B3GALT1: variants seen among roughly 807,000 people sequenced by gnomAD.
B3GALT1 encodes beta-1,3-galactosyltransferase 1.
A neutral mutation model predicts 23.2 loss-of-function variants in B3GALT1; 10 were observed. The observed-to-expected ratio is 0.43, with a 90% confidence interval of 0.27 to 0.73. The LOEUF (loss-of-function observed/expected upper bound fraction) is 0.73. Ranked by LOEUF, B3GALT1 falls within the 30% of genes least tolerant of loss-of-function variation. The pLI is 0.21. For synonymous variants in B3GALT1, 156 were observed against 141.5 expected, an observed-to-expected ratio of 1.10 and a Z score of -0.73; for missense variants, 299 against 405.4, an observed-to-expected ratio of 0.74 and a Z score of 2.25.
chr2:167,332,012 G>A (rs2105240580), intron 1 of B3GALT1, among the ~76,000 whole-genome samples: 1 of 152,162 alleles, frequency 6.6e-6, no homozygotes, highest in East Asian at 1.9e-4. Flanking sequence ...TGAGGTGGGG[G>A]CTATGTTCGC....
chr2:167,451,747 T>C (rs931643794), intron 1 of B3GALT1, among the ~76,000 whole-genome samples: 2 of 152,146 alleles, frequency 1.3e-5, no homozygotes, highest in African/African-American at 2.4e-5. Flanking sequence ...GGCAGTGCCC[T>C]AGAGCTCCCA....
chr2:167,612,975 A>C (rs915394565), intron 2 of B3GALT1, among the ~76,000 whole-genome samples: 2 of 152,002 alleles, frequency 1.3e-5, no homozygotes, highest in Non-Finnish European at 2.9e-5. Context: ...TGTGTCAAAA[A>C]TAAATGTAGT....
intron 1 of B3GALT1, among the ~76,000 whole-genome samples, chr2:167,464,003 A>G (rs1389968244): frequency 1.3e-5 from 2 of 152,174 alleles, no homozygotes; most frequent in East Asian, 3.9e-4. Context: ...ATCCTTTCAG[A>G]GCTCTGCCTT....
intron 3 of B3GALT1, among the ~76,000 whole-genome samples, chr2:167,741,468 C>A (rs563227834): frequency 6.6e-6 from 1 of 152,190 alleles, no homozygotes; most frequent in South Asian, 2.1e-4. Context: ...TGGATATAGC[C>A]AGAGTGGTCC....
At chr2:167,452,143 C>T (rs1314213779) in intron 1 of B3GALT1, among the ~76,000 whole-genome samples, 1 of 152,068 alleles carries the variant, frequency 6.6e-6, no homozygotes, top group African/African-American at 2.4e-5. Flanking sequence ...AGTTTTCACA[C>T]CTTCCCTCCT....
At chr2:167,365,359 A>G (rs1697569463) in intron 1 of B3GALT1, among the ~76,000 whole-genome samples, 1 of 151,934 alleles carries the variant, frequency 6.6e-6, no homozygotes, top group Non-Finnish European at 1.5e-5. Context: ...CAGGCATAAC[A>G]CTTCAGGTTA....
chr2:167,393,302 C>T (rs191990417), intron 1 of B3GALT1, among the ~76,000 whole-genome samples: 2 of 147,742 alleles, frequency 1.4e-5, no homozygotes, highest in Non-Finnish European at 1.5e-5. Flanking sequence ...TATATAGTCA[C>T]GCCTGTGATC....
At chr2:167,620,187 A>G (rs1685230828) in intron 2 of B3GALT1, among the ~76,000 whole-genome samples, 1 of 152,112 alleles carries the variant, frequency 6.6e-6, no homozygotes, top group Non-Finnish European at 1.5e-5. Flanking sequence ...TGCAGTGTGT[A>G]GGTAAAAATG....
chr2:167,621,528 T>C (rs899749813), intron 2 of B3GALT1, among the ~76,000 whole-genome samples: 60 of 152,200 alleles, frequency 3.9e-4, no homozygotes, highest in African/African-American at 1.3e-3. Context: ...GAGCTTTCCA[T>C]TATAAAGATT....
chr2:167,568,640 A>G (rs886536246), intron 2 of B3GALT1, among the ~76,000 whole-genome samples: 2 of 151,978 alleles, frequency 1.3e-5, no homozygotes, highest in Non-Finnish European at 2.9e-5. Context: ...ATTTTATCAG[A>G]TGCATCTTCT....
chr2:167,798,512 G>T (rs1688580631), intron 3 of B3GALT1, among the ~76,000 whole-genome samples: 1 of 152,204 alleles, frequency 6.6e-6, no homozygotes, highest in Admixed American at 6.5e-5. Flanking sequence ...TGGCTAGCCA[G>T]TTCTCCCTGC....
intron 3 of B3GALT1, among the ~76,000 whole-genome samples, chr2:167,775,646 A>G (rs1290727228): frequency 6.6e-6 from 1 of 151,514 alleles, no homozygotes; most frequent in Non-Finnish European, 1.5e-5. Flanking sequence ...AATATAGACT[A>G]TGAAAAGTAT....
intron 2 of B3GALT1, among the ~76,000 whole-genome samples, chr2:167,589,023 G>A (rs562299490): frequency 6.6e-6 from 1 of 151,808 alleles, no homozygotes; most frequent in East Asian, 2.0e-4. Flanking sequence ...GTTCACTGCA[G>A]CCTCAACTCC....
At chr2:167,377,119 G>A (rs1697777962) in intron 1 of B3GALT1, among the ~76,000 whole-genome samples, 1 of 152,062 alleles carries the variant, frequency 6.6e-6, no homozygotes, top group East Asian at 1.9e-4. Flanking sequence ...AGAACAGGTT[G>A]TTAAATTTCC....
At chr2:167,730,642 C>A (rs192199894) in intron 3 of B3GALT1, among the ~76,000 whole-genome samples, 1 of 152,142 alleles carries the variant, frequency 6.6e-6, no homozygotes, top group African/African-American at 2.4e-5. Flanking sequence ...TCAGAGCTGG[C>A]GCCCTTCTTT....
At chr2:167,408,610 C>T (rs567708444) in intron 1 of B3GALT1, among the ~76,000 whole-genome samples, 1 of 152,014 alleles carries the variant, frequency 6.6e-6, no homozygotes, top group Non-Finnish European at 1.5e-5. Flanking sequence ...ACATAAAAAA[C>T]TGTTAGAACT....
chr2:167,822,948 G>A (rs562586555), intron 4 of B3GALT1, among the ~76,000 whole-genome samples: 3 of 152,298 alleles, frequency 2.0e-5, no homozygotes, highest in African/African-American at 4.8e-5. Flanking sequence ...TAGATAGACC[G>A]CATTTCCTAG....
chr2:167,567,548 G>C (rs1227140), intron 2 of B3GALT1, among the ~76,000 whole-genome samples: 54,310 of 151,790 alleles, frequency 0.36, 10,773 homozygotes, highest in East Asian at 0.84. Flanking sequence ...GTTTTATTGT[G>C]GTGTTCTTTG....
intron 3 of B3GALT1, among the ~76,000 whole-genome samples, chr2:167,771,245 A>G (rs1382529097): frequency 6.6e-6 from 1 of 152,172 alleles, no homozygotes; most frequent in East Asian, 1.9e-4. Flanking sequence ...GTGAAGAGTT[A>G]TTTTCTCCCT....
Sources: allele counts gnomAD v4.1 joint callset (sites outside exome capture counted in the v4.1 genomes callset), GRCh38; gene constraint gnomAD v4.1.1; transcripts MANE v1.5; gene names NCBI Gene and HGNC (gene_info 2026-07-23, HGNC 2026-07-21).